COBL: variants seen among roughly 807,000 people sequenced by gnomAD.
The protein encoded by COBL is cordon-bleu WH2 repeat protein.
COBL carries 51 observed loss-of-function variants against 98.8 expected under a neutral mutation model. The ratio of observed to expected loss-of-function variants is 0.52; its 90% CI spans 0.41 to 0.65. COBL has a LOEUF of 0.65. COBL is among the 30% of genes least tolerant of loss of function. The probability of loss-of-function intolerance (pLI) is 0.00; values close to 1 mark genes in which losing one functional copy is unlikely to be tolerated. For missense variants in COBL, 1,617 were observed against 1,617.5 expected, an observed-to-expected ratio of 1.00 and a Z score of 0.01; for synonymous variants, 634 against 651.7, an observed-to-expected ratio of 0.97 and a Z score of 0.41.
intron 1 of COBL, among the ~76,000 whole-genome samples, chr7:51,252,829 C>T (rs578220454): frequency 2.6e-5 from 4 of 152,240 alleles, no homozygotes; most frequent in Admixed American, 6.5e-5. Flanking sequence ...TATTTGAGAA[C>T]GCATAAATAT....
chr7:51,103,151 CCT>C (rs1344051564), intron 6 of COBL, among the ~76,000 whole-genome samples: 1 of 152,184 alleles, frequency 6.6e-6, no homozygotes, highest in African/African-American at 2.4e-5. Context: ...ATCAGCAGCC[CCT>C]ATCCCCCATT....
chr7:51,165,898 A>T (rs1019288737), intron 5 of COBL, among the ~76,000 whole-genome samples: 11 of 152,034 alleles, frequency 7.2e-5, no homozygotes, highest in African/African-American at 2.7e-4. Context: ...GAAGGAAATT[A>T]AAAACCTTCT....
chr7:51,151,085 C>CA (rs1406946972), intron 5 of COBL, among the ~76,000 whole-genome samples: 1 of 152,086 alleles, frequency 6.6e-6, no homozygotes, highest in East Asian at 1.9e-4. Flanking sequence ...ATGAAGCAGA[C>CA]AAAAACACAG....
At chr7:51,236,481 G>A (rs1178530457) in intron 1 of COBL, among the ~76,000 whole-genome samples, 1 of 152,166 alleles carries the variant, frequency 6.6e-6, no homozygotes, top group Non-Finnish European at 1.5e-5. Flanking sequence ...GAGACTTTAA[G>A]AAAACTTAGG....
chr7:51,231,736 G>A lies in COBL; in HGVS notation c.42-11792C>T, dbSNP rs913547818. Among the ~76,000 whole-genome samples, 12 of 152,298 alleles carry A rather than the reference G, an allele frequency of 7.9e-5. 1 individual carries two copies. The East Asian group carries it at 1.2e-3, about 15-fold the overall frequency. ...CAGAGGGCTGGGTGCAGGGTGGGCC[G>A]AGCCAGGAGAGGCTGTGGGCTCACA... On this transcript the variant is annotated intron_variant, in intron 1 of 12. Coordinates refer to ENST00000265136, the MANE Select transcript of COBL (RefSeq NM_015198.5).
chr7:51,127,372 G>A (rs1798312145), intron 6 of COBL, among the ~76,000 whole-genome samples: 1 of 152,222 alleles, frequency 6.6e-6, no homozygotes, highest in African/African-American at 2.4e-5. Context: ...AAACAGCGGA[G>A]CATGACTTAT....
intron 7 of COBL, among the ~76,000 whole-genome samples, chr7:51,074,001 C>T (rs1792815715): frequency 6.6e-6 from 1 of 151,992 alleles, no homozygotes; most frequent in African/African-American, 2.4e-5. Flanking sequence ...GTGCAAAGGG[C>T]TATTACATGA....
intron 6 of COBL, among the ~76,000 whole-genome samples, chr7:51,131,582 T>G (rs1187235537): frequency 9.9e-5 from 15 of 151,786 alleles, no homozygotes; most frequent in Admixed American, 9.9e-4. Context: ...TGACAGTAAT[T>G]GATTCTTCTT....
chr7:51,055,954 C>T (rs565047469), intron 7 of COBL, among the ~76,000 whole-genome samples: 198 of 152,298 alleles, frequency 1.3e-3, no homozygotes, highest in African/African-American at 4.5e-3. Flanking sequence ...TTGCCTTTTT[C>T]TAAAATTAGC....
intron 1 of COBL, among the ~76,000 whole-genome samples, chr7:51,235,584 C>A (rs1228081995): frequency 6.6e-6 from 1 of 152,182 alleles, no homozygotes; most frequent in African/African-American, 2.4e-5. Flanking sequence ...CAGCCTAAAG[C>A]CAAGCACCGG....
intron 5 of COBL, among the ~76,000 whole-genome samples, chr7:51,161,898 C>T (rs867894078): frequency 6.6e-6 from 1 of 152,176 alleles, no homozygotes; most frequent in Non-Finnish European, 1.5e-5. Context: ...TTAGAACCCA[C>T]GTCACTTTAC....
intron 1 of COBL, among the ~76,000 whole-genome samples, chr7:51,262,646 T>C (rs1425035855): frequency 6.6e-6 from 1 of 152,186 alleles, no homozygotes; most frequent in African/African-American, 2.4e-5. Flanking sequence ...GCAGTCACCA[T>C]CACATGGACG....
chr7:51,147,024 G>T (rs1380011965), intron 5 of COBL, among the ~76,000 whole-genome samples: 2 of 152,172 alleles, frequency 1.3e-5, no homozygotes, highest in Non-Finnish European at 2.9e-5. Context: ...GAAGTGTTCT[G>T]CAGGCCAGGG....
chr7:51,263,401 C>T (rs747986636), intron 1 of COBL, among the ~76,000 whole-genome samples: 1 of 152,164 alleles, frequency 6.6e-6, no homozygotes, highest in African/African-American at 2.4e-5. Flanking sequence ...TCACAAACTG[C>T]TTTTGGCAGC....
At chr7:51,145,289 C>G (rs142291981) in intron 5 of COBL, among the ~76,000 whole-genome samples, 10 of 151,156 alleles carry the variant, frequency 6.6e-5, no homozygotes, top group Non-Finnish European at 1.0e-4. Flanking sequence ...GTGCTGGGAT[C>G]ATAGGTGTGA....
intron 2 of COBL, among the ~76,000 whole-genome samples, chr7:51,205,640 G>GTTTTTTTTTT (rs1318170016): frequency 9.3e-6 from 1 of 107,486 alleles, no homozygotes; most frequent in Non-Finnish European, 2.2e-5. Context: ...TTGTTTTTTG[G>GTTTTTTTTTT]TTTTTTGTTT....
chr7:51,107,092 GTTTTT>G (rs1160414563), intron 6 of COBL, among the ~76,000 whole-genome samples: 1 of 63,372 alleles, frequency 1.6e-5, no homozygotes, highest in African/African-American at 4.7e-5. Flanking sequence ...TAGTTTGTTT[GTTTTT>G]TTTTTTTTTT....
chr7:51,219,059 C>T (rs1793362809), intron 2 of COBL, among the ~76,000 whole-genome samples: 1 of 152,064 alleles, frequency 6.6e-6, no homozygotes, highest in South Asian at 2.1e-4. Flanking sequence ...ATAAAATGTG[C>T]AAATCTATTG....
intron 2 of COBL, among the ~76,000 whole-genome samples, chr7:51,217,340 C>CTTTTTTTTTTTTTT (rs937958755): frequency 1.6e-5 from 2 of 127,720 alleles, no homozygotes; most frequent in African/African-American, 6.1e-5. Flanking sequence ...TTTTCTTTTT[C>CTTTTTTTTTTTTTT]TTTTTTTTTT....
Sources: allele counts gnomAD v4.1 joint callset (sites outside exome capture counted in the v4.1 genomes callset), GRCh38; gene constraint gnomAD v4.1.1; transcripts MANE v1.5; gene names NCBI Gene and HGNC (gene_info 2026-07-23, HGNC 2026-07-21).